MCTP1: variants seen among roughly 807,000 people sequenced by gnomAD.
The protein encoded by MCTP1 is multiple C2 and transmembrane domain-containing protein 1.
MCTP1 carries 69 observed loss-of-function variants against 120.6 expected under a neutral mutation model. That is an observed-to-expected ratio of 0.57 (90% CI 0.47 to 0.70). The LOEUF is 0.70. Among genes scored for constraint, MCTP1 ranks in the 30% least tolerant of loss-of-function variants. The pLI, the probability that MCTP1 is intolerant of heterozygous loss-of-function variation, is 0.00. For missense variants in MCTP1, 1,203 were observed against 1,248.8 expected (o/e 0.96, Z 0.55); for synonymous variants, 529 against 493.1 (o/e 1.07, Z -0.96).
chr5:95,041,918 G>A (rs956868249), intron 1 of MCTP1, among the ~76,000 whole-genome samples: 1 of 152,050 alleles, frequency 6.6e-6, no homozygotes, highest in South Asian at 2.1e-4. Flanking sequence ...TTCCAACTCC[G>A]CATCCTTCAA....
chr5:94,840,595 G>C (rs774469130), intron 17 of MCTP1, among the ~76,000 whole-genome samples: 6 of 151,756 alleles, frequency 4.0e-5, no homozygotes, highest in Non-Finnish European at 8.8e-5. Flanking sequence ...GTCTAGTTTT[G>C]GGTTGGGAGA....
At chr5:94,888,855 T>C (rs764438703) in intron 12 of MCTP1, 24 bp downstream of exon 12, 2 of 1,474,700 alleles carry the variant, frequency 1.4e-6, no homozygotes, top group Non-Finnish European at 1.9e-6. Context: ...ATCTGAGCAA[T>C]AGGAGAATTG....
intron 2 of MCTP1, among the ~76,000 whole-genome samples, chr5:95,001,059 C>T (rs1007037112): frequency 6.6e-6 from 1 of 152,184 alleles, no homozygotes; most frequent in African/African-American, 2.4e-5. Flanking sequence ...GAGTTCTCAC[C>T]ACACCTGATG....
At chr5:94,958,530 T>C (rs1301914641) in intron 2 of MCTP1, among the ~76,000 whole-genome samples, 1 of 151,846 alleles carries the variant, frequency 6.6e-6, no homozygotes, top group African/African-American at 2.4e-5. Context: ...GCCAGGATAA[T>C]AAAGAAGAAA....
chr5:95,021,827 C>G (rs759554569), intron 1 of MCTP1, among the ~76,000 whole-genome samples: 1 of 151,998 alleles, frequency 6.6e-6, no homozygotes, highest in Non-Finnish European at 1.5e-5. Flanking sequence ...AAACAGTGAA[C>G]ATTTCTGAAT....
At chr5:94,965,338 A>G (rs1437118) in intron 2 of MCTP1, among the ~76,000 whole-genome samples, 79,927 of 151,938 alleles carry the variant, frequency 0.53, 21,207 homozygotes, top group African/African-American at 0.58. Flanking sequence ...TCCTTACAGG[A>G]GAGCTCTGAA....
intron 1 of MCTP1, among the ~76,000 whole-genome samples, chr5:95,018,644 C>T (rs775938432): frequency 2.0e-5 from 3 of 152,010 alleles, no homozygotes; most frequent in Non-Finnish European, 4.4e-5. Context: ...AAAGAATTCA[C>T]TCCACCTTCT....
chr5:94,745,957 C>G (rs1178855134), intron 19 of MCTP1, among the ~76,000 whole-genome samples: 1 of 152,120 alleles, frequency 6.6e-6, no homozygotes, highest in Non-Finnish European at 1.5e-5. Flanking sequence ...AATATGGCTG[C>G]CCCAGCTGTA....
chr5:95,121,646 A>G (rs1758249689), intron 1 of MCTP1, among the ~76,000 whole-genome samples: 2 of 152,028 alleles, frequency 1.3e-5, no homozygotes, highest in Admixed American at 6.5e-5. Context: ...TAGAAAAAAA[A>G]AATCCTAAAA....
chr5:94,776,553 C>T (rs1284374916), intron 19 of MCTP1, among the ~76,000 whole-genome samples: 1 of 152,190 alleles, frequency 6.6e-6, no homozygotes, highest in African/African-American at 2.4e-5. Flanking sequence ...ATACTTCCAA[C>T]ATATGCTTCA....
At chr5:94,934,694 G>A (rs374574278) in intron 5 of MCTP1, among the ~76,000 whole-genome samples, 190 of 147,652 alleles carry the variant, frequency 1.3e-3, no homozygotes, top group African/African-American at 4.3e-3. Context: ...TGTTGGCTGT[G>A]TAATAATTCT....
intron 8 of MCTP1, 81 bp from the exon 9 acceptor site, chr5:94,913,057 A>T: frequency 1.1e-6 from 1 of 896,248 alleles, no homozygotes; most frequent in South Asian, 2.7e-5. Flanking sequence ...TTCTCCTGTT[A>T]TGATTCTTCA....
chr5:95,178,977 TAAAA>T (rs1252581920), intron 1 of MCTP1, among the ~76,000 whole-genome samples: 1 of 151,906 alleles, frequency 6.6e-6, no homozygotes, highest in African/African-American at 2.4e-5. Context: ...ATAGCATAAA[TAAAA>T]AACAATCACG....
At chr5:94,936,105 C>A (rs1369488248) in intron 5 of MCTP1, among the ~76,000 whole-genome samples, 1 of 151,710 alleles carries the variant, frequency 6.6e-6, no homozygotes, top group Non-Finnish European at 1.5e-5. Flanking sequence ...ATGGGAAGAG[C>A]AATAAGGCTT....
At chr5:95,256,144 G>A (rs528343864) in intron 1 of MCTP1, among the ~76,000 whole-genome samples, 1 of 151,880 alleles carries the variant, frequency 6.6e-6, no homozygotes, top group Admixed American at 6.6e-5. Context: ...TTTACTCTTT[G>A]GTATTTCTCA....
chr5:95,118,516 C>T (rs1209687252), intron 1 of MCTP1, among the ~76,000 whole-genome samples: 3 of 152,018 alleles, frequency 2.0e-5, no homozygotes, highest in Non-Finnish European at 4.4e-5. Context: ...GACAAAATGA[C>T]GGGAGTAAGT....
intron 2 of MCTP1, among the ~76,000 whole-genome samples, chr5:94,997,980 T>C (rs931754680): frequency 6.6e-6 from 1 of 152,180 alleles, no homozygotes; most frequent in Non-Finnish European, 1.5e-5. Flanking sequence ...TTATGTATTA[T>C]AAATGACTGG....
intron 1 of MCTP1, among the ~76,000 whole-genome samples, chr5:95,153,094 T>C (rs1744715368): frequency 6.6e-6 from 1 of 152,156 alleles, no homozygotes; most frequent in Non-Finnish European, 1.5e-5. Flanking sequence ...CCCAACCAAA[T>C]GTCATCTCAA....
intron 6 of MCTP1, among the ~76,000 whole-genome samples, chr5:94,926,650 G>C (rs933299254): frequency 3.3e-5 from 5 of 152,094 alleles, no homozygotes; most frequent in Non-Finnish European, 7.4e-5. Context: ...ATAACTAACT[G>C]TCTGTCTATC....
Sources: gnomAD v4.1 joint callset for allele counts (sites outside exome capture counted in the v4.1 genomes callset) on GRCh38, gnomAD v4.1.1 for gene constraint, MANE v1.5 for transcripts, NCBI Gene and HGNC (gene_info 2026-07-23, HGNC 2026-07-21) for gene names.